Variants in A2ML1 observed in about 807,000 individuals in gnomAD.
A2ML1 encodes alpha-2-macroglobulin like 1.
In A2ML1, 161 loss-of-function variants were observed where a neutral mutation model predicts 181.9. That is an observed-to-expected ratio of 0.89 (90% CI 0.78 to 1.01). The LOEUF (loss-of-function observed/expected upper bound fraction) is 1.01, where lower values mean the gene tolerates loss of function less well. Ranked by LOEUF, A2ML1 falls within the 50% of genes least tolerant of loss-of-function variation. The pLI is 0.00. For missense variants in A2ML1, 1,670 were observed against 1,768.1 expected, an observed-to-expected ratio of 0.94 and a Z score of 1.00; for synonymous variants, 663 against 666.8, an observed-to-expected ratio of 0.99 and a Z score of 0.09.
At chr12:8,838,541 C>A in intron 9 of A2ML1, 91 bp downstream of exon 9, 1 of 894,796 alleles carries the variant, frequency 1.1e-6, no homozygotes, top group Non-Finnish European at 1.7e-6. Context: ...CAAGACCTAC[C>A]CTCTTGAGTG....
Position 8,852,324 on chromosome 12 carries a change from G to A in A2ML1, c.2578G>A (p.Ala860Thr). Reference protein sequence around the residue: ...DAKTHHWNITAVKLGHINFTI... With the variant: ...DAKTHHWNITTVKLGHINFTI... The stretch of plus-strand genomic sequence containing the variant: ...AAAAACCCACCACTGGAACATCACA[G>A]CTGTCAAATTGGGTAAGAGAGGGAA... The change falls in exon 20 of 36, where the codon GCT (alanine) becomes ACT (threonine). Residue 860 changes from alanine (A) to threonine (T), a missense_variant. Physicochemically the swap from Ala to Thr is moderately conservative, Grantham distance 58. Transcript: ENST00000299698. The surrounding 1 kb of genome is among the most constrained non-coding windows in gnomAD (Gnocchi z 4.2). 1 of 1,614,120 alleles carries A rather than the reference G, an allele frequency of 6.2e-7. No homozygotes were observed. The highest frequency in any genetic ancestry group is 1.1e-5 in the South Asian group (1 of 91,068).
chr12:8,869,081 C>A, intron 32 of A2ML1, 54 bp from the exon 33 acceptor site: 1 of 1,567,724 alleles, frequency 6.4e-7, no homozygotes, highest in Non-Finnish European at 8.8e-7. Context: ...TGGAAGACTA[C>A]CCCAGGGAAG....
At chr12:8,830,719 G>A (rs1943083240) in intron 4 of A2ML1, 3 of 152,234 alleles carry the variant, frequency 2.0e-5, no homozygotes, top group Middle Eastern at 6.8e-3. Context: ...GTATTCAAAT[G>A]AAACTTTTAG....
chr12:8,859,742 T>G (rs150061678), intron 26 of A2ML1, among the ~76,000 whole-genome samples: 8,087 of 152,082 alleles, frequency 0.053, 317 homozygotes, highest in Non-Finnish European at 0.087. Flanking sequence ...TTTTTGTATT[T>G]TTAGTAGAGA....
At chr12:8,842,489 G>A (rs1440372758) in intron 11 of A2ML1, among the ~76,000 whole-genome samples, 1 of 152,134 alleles carries the variant, frequency 6.6e-6, no homozygotes, top group Non-Finnish European at 1.5e-5. Flanking sequence ...AAAGTGCTGG[G>A]ATTACAGGCG....
rs1004597265 is a variant in A2ML1 at position 8,866,882 on chromosome 12, G to A, written c.3718-960G>A. 7.9e-5 allele frequency among the ~76,000 whole-genome samples: 12 copies of A among 152,162 alleles called. No homozygotes were observed. In the South Asian group the frequency reaches 8.3e-4, roughly 11 times the overall value. ...ATTTTTTGTAATAGATATTTTACACGAGTGAGATATAACAATTTTGTTGAA... is the reference window on the plus strand; with the variant it reads ...ATTTTTTGTAATAGATATTTTACACAAGTGAGATATAACAATTTTGTTGAA... On this transcript the variant is annotated intron_variant, in intron 29 of 35. Transcript: ENST00000299698.
intron 32 of A2ML1, among the ~76,000 whole-genome samples, chr12:8,868,903 T>A (rs1271357921): frequency 6.6e-6 from 1 of 152,258 alleles, no homozygotes; most frequent in East Asian, 1.9e-4. Context: ...TGTATGTACA[T>A]ATATGTGTGC....
At chr12:8,862,070 A>G (rs1565488621) in intron 28 of A2ML1, among the ~76,000 whole-genome samples, 1 of 152,138 alleles carries the variant, frequency 6.6e-6, no homozygotes, top group East Asian at 1.9e-4. Flanking sequence ...ACATTTTTAT[A>G]CTTTTAATGT....
At chr12:8,875,898 C>G (rs2137002022) in intron 35 of A2ML1, 160 bp from the exon 36 acceptor site, 1 of 152,268 alleles carries the variant, frequency 6.6e-6, no homozygotes, top group South Asian at 2.1e-4. Flanking sequence ...GTAAAGGTTA[C>G]CTGATTCTAC....
At chr12:8,864,132 C>A (rs1944363124) in intron 29 of A2ML1, 124 bp downstream of exon 29, 3 of 795,256 alleles carry the variant, frequency 3.8e-6, no homozygotes, top group East Asian at 2.7e-5. Context: ...AGCCTGTGAA[C>A]AATATATGGA....
chr12:8,857,969 G>T lies in A2ML1; in HGVS notation c.3131G>T (p.Cys1044Phe). The change falls in exon 26 of 36, where the codon TGC (cysteine) becomes TTC (phenylalanine). Residue 1044 changes from cysteine (C) to phenylalanine (F), a missense_variant. Transcript: ENST00000299698. ...NTWLTAFVTK[C>F]FGQAQKFIFI... ...AGGCTGACAGCGTTTGTCACAAAAT[G>T]CTTTGGCCAAGCTCAGAAATTCATC... 1.2e-6 allele frequency: 2 copies of T among 1,614,094 alleles called. No homozygotes were observed. Among genetic ancestry groups the T allele is most frequent in the Non-Finnish European group, 1.7e-6 (2 of 1,180,016 alleles).
At position 8,876,107 on chromosome 12, in the gene A2ML1, GGA is replaced by G. The variant is rs1304673702; in HGVS notation, c.*52_*53del. The G allele has an allele frequency of 1.3e-5, 2 of 152,154 alleles. No homozygotes were observed. The highest frequency in any genetic ancestry group is 2.9e-5 in the Non-Finnish European group (2 of 68,020). The allele number at this position is 152,154 out of a possible 1,614,324, so 9.4% of individuals were successfully genotyped here. ...TCCTCTGTGACATTTACTGGAGGGT[GGA>G]ACATTCTTCTGTCGCTTGAAGCAGA... On this transcript the variant is annotated 3_prime_UTR_variant, in exon 36 of 36. Coordinates refer to ENST00000299698, the MANE Select transcript of A2ML1 (RefSeq NM_144670.6).
chr12:8,847,987 G>GAA (rs11312111), intron 15 of A2ML1, among the ~76,000 whole-genome samples: 8 of 125,646 alleles, frequency 6.4e-5, no homozygotes, highest in African/African-American at 9.2e-5. Context: ...TAAAAATCCA[G>GAA]AAAAAAAAAA....
chr12:8,839,338 A>T, intron 10 of A2ML1, 116 bp downstream of exon 10: 1 of 618,478 alleles, frequency 1.6e-6, no homozygotes, highest in Non-Finnish European at 2.8e-6. Context: ...CTTTATGTGT[A>T]TTCATTTTAA....
rs758938806 is a variant in A2ML1 at position 8,823,468 on chromosome 12, C to T, written c.246+103C>T. On this transcript the variant is annotated intron_variant, in intron 2 of 35. Transcript: ENST00000299698. Reference sequence around the variant, plus strand: ...GTATAATTTCTGTTATCTTTTGCCACGGCCTCTAAACCTATTTTTTCTCAA... The same window carrying T: ...GTATAATTTCTGTTATCTTTTGCCATGGCCTCTAAACCTATTTTTTCTCAA... The T allele has an allele frequency of 1.2e-4, 161 of 1,350,484 alleles. No individual in the cohort carries two copies. In the African/African-American group the frequency reaches 2.1e-3, roughly 18 times the overall value. 83.7% of individuals were successfully genotyped at this position (1,350,484 alleles called of 1,614,324 possible).
At chr12:8,887,288 GC>G (rs1010032713), downstream of A2ML1, among the ~76,000 whole-genome samples, 1 of 152,120 alleles carries the variant, frequency 6.6e-6, no homozygotes, top group African/African-American at 2.4e-5. Flanking sequence ...ACATGAAGTA[GC>G]CCCCCTGAAA....
chr12:8,832,038 C>G (rs984673314), intron 4 of A2ML1, among the ~76,000 whole-genome samples: 1 of 152,196 alleles, frequency 6.6e-6, no homozygotes, highest in Admixed American at 6.5e-5. Context: ...GCGTGAGCCA[C>G]CGCGCCTGGC....
In A2ML1 at chr12:8,861,253, G is replaced by A. The variant is rs1944252219; in HGVS notation, c.3458G>A (p.Arg1153Lys). 35 of 1,614,122 alleles carry A rather than the reference G, an allele frequency of 2.2e-5. No individual in the cohort carries two copies. The highest frequency in any genetic ancestry group is 3.0e-5 in the Non-Finnish European group (35 of 1,180,030). ...IFSLAGEMDI[R>K]NILLKQLDQQ... The stretch of plus-strand genomic sequence containing the variant: ...TCCCTGGCTGGGGAAATGGACATCA[G>A]AAACATTCTCCTTAAACAGTTAGAT... Residue 1153 changes from arginine (R) to lysine (K), a missense_variant, in exon 28 of 36, where the codon AGA becomes AAA. Coordinates refer to ENST00000299698, the MANE Select transcript of A2ML1 (RefSeq NM_144670.6).
At chr12:8,838,847 G>A (rs968148321) in intron 9 of A2ML1, among the ~76,000 whole-genome samples, 9 of 151,090 alleles carry the variant, frequency 6.0e-5, no homozygotes, top group Admixed American at 4.6e-4. Context: ...CCCAGGAGGT[G>A]GAGCTTGCAG....
Sources: gnomAD v4.1 joint callset for allele counts (sites outside exome capture counted in the v4.1 genomes callset) on GRCh38, gnomAD v4.1.1 for gene constraint, Gnocchi (gnomAD v3.1) non-coding constraint, MANE v1.5 for transcripts, NCBI Gene and HGNC (gene_info 2026-07-23, HGNC 2026-07-21) for gene names.